CDH13: variants seen among roughly 807,000 people sequenced by gnomAD.
CDH13 encodes the protein cadherin-13.
Under a neutral mutation model 63.8 loss-of-function variants are expected in CDH13, and 24 were observed. The observed-to-expected ratio is 0.38, with a 90% CI of 0.27 to 0.53. The LOEUF is 0.53. CDH13 is among the 20% of genes least tolerant of loss of function. The pLI, the probability that CDH13 is intolerant of heterozygous loss-of-function variation, is 0.85. For synonymous variants in CDH13, 503 were observed against 355.3 expected (o/e 1.42, Z -4.67); for missense variants, 1,049 against 903.1 (o/e 1.16, Z -2.07).
intron 11 of CDH13, among the ~76,000 whole-genome samples, chr16:83,774,734 C>T (rs886493613): frequency 2.0e-5 from 3 of 152,094 alleles, no homozygotes; most frequent in Non-Finnish European, 4.4e-5. Context: ...CCAGAGTCGT[C>T]AGATTCATAG....
intron 1 of CDH13, among the ~76,000 whole-genome samples, chr16:82,790,147 T>G (rs1010700013): frequency 3.3e-5 from 5 of 152,258 alleles, no homozygotes; most frequent in African/African-American, 1.2e-4. Flanking sequence ...ACAAAATTTC[T>G]AATTATAGGC....
intron 6 of CDH13, among the ~76,000 whole-genome samples, chr16:83,395,794 C>CT (rs1374796936): frequency 2.0e-5 from 3 of 151,940 alleles, no homozygotes; most frequent in African/African-American, 4.8e-5. Flanking sequence ...CCTTTCCGTT[C>CT]TTTTTTTTAA....
At chr16:82,945,072 A>G (rs1597265264) in intron 2 of CDH13, among the ~76,000 whole-genome samples, 1 of 152,234 alleles carries the variant, frequency 6.6e-6, no homozygotes, top group South Asian at 2.1e-4. Context: ...AACAGTCATT[A>G]TACTTTTTGT....
chr16:83,410,201 C>T lies in CDH13; in HGVS notation c.781+65195C>T, dbSNP rs572987411. ...ATGCCAAGTTGTTAATGGAATTCAG[C>T]ATCTGTGTCTTTCATGGGTCTCTAA... On this transcript the variant is annotated intron_variant, in intron 6 of 13. Coordinates refer to ENST00000567109, the MANE Select transcript of CDH13 (RefSeq NM_001257.5). Among the ~76,000 whole-genome samples, 7 of 152,272 alleles carry T rather than the reference C, an allele frequency of 4.6e-5. 1 individual carries two copies. The South Asian group carries it at 1.5e-3, about 32-fold the overall frequency.
Position 83,216,397 on chromosome 16 carries a change from AATATAT to A in CDH13, c.484-906_484-901del, listed in dbSNP as rs1158270310. Reference sequence around the variant, plus strand: ...TAATGTCCTCTGCCTCCAGCATTGAAATATATATATATATATATATATATATATATA... The same window carrying A: ...TAATGTCCTCTGCCTCCAGCATTGAAATATATATATATATATATATATATA... On this transcript the variant is annotated intron_variant, in intron 4 of 13. Transcript: ENST00000567109. Among the ~76,000 whole-genome samples the A allele has an allele frequency of 9.9e-3, 159 of 16,104 alleles. 6 individuals carry two copies. The highest frequency in any genetic ancestry group is 0.015 in the Admixed American group (12 of 790). The allele number at this position is 16,104 out of a possible 152,430, so 10.6% of individuals were successfully genotyped here.
At position 83,293,428 on chromosome 16, in the gene CDH13, A is replaced by G. The variant is rs562994072; in HGVS notation, c.637-51434A>G. Among the ~76,000 whole-genome samples, 4 of 152,228 alleles carry G rather than the reference A, an allele frequency of 2.6e-5. No individual in the cohort carries two copies. In the South Asian group the frequency reaches 6.2e-4, roughly 24 times the overall value. ...TGCCACCGGAAGAAAATGGCACTCA[A>G]ATTCCCAGCTGTCATCTGGGAAAGG... On this transcript the variant is annotated intron_variant, in intron 5 of 13. Transcript: ENST00000567109.
At chr16:83,362,685 A>G (rs920038262) in intron 6 of CDH13, among the ~76,000 whole-genome samples, 2 of 152,158 alleles carry the variant, frequency 1.3e-5, no homozygotes, top group African/African-American at 2.4e-5. Flanking sequence ...CTCAAATACC[A>G]TCTTCCTTCA....
At chr16:83,160,489 T>C (rs1340479322) in intron 4 of CDH13, among the ~76,000 whole-genome samples, 3 of 152,188 alleles carry the variant, frequency 2.0e-5, no homozygotes, top group Non-Finnish European at 4.4e-5. Context: ...CAATTCTGCA[T>C]TTTTGTGAAT....
At chr16:83,569,832 G>A (rs1936967368) in intron 7 of CDH13, among the ~76,000 whole-genome samples, 1 of 152,148 alleles carries the variant, frequency 6.6e-6, no homozygotes. Flanking sequence ...TGCCTCCCGG[G>A]TTCAAGTGAT....
At chr16:83,515,331 A>C (rs548306763) in intron 7 of CDH13, among the ~76,000 whole-genome samples, 1 of 152,208 alleles carries the variant, frequency 6.6e-6, no homozygotes, top group South Asian at 2.1e-4. Flanking sequence ...TCTTTTAAGC[A>C]TTACACTTCT....
intron 3 of CDH13, among the ~76,000 whole-genome samples, chr16:83,063,325 G>C (rs1490596899): frequency 6.6e-6 from 1 of 152,100 alleles, no homozygotes; most frequent in Non-Finnish European, 1.5e-5. Flanking sequence ...GCTCTCTTGA[G>C]GCCCAGCCCC....
intron 2 of CDH13, among the ~76,000 whole-genome samples, chr16:82,902,578 C>T (rs1049276507): frequency 1.3e-5 from 2 of 152,054 alleles, no homozygotes; most frequent in African/African-American, 4.8e-5. Flanking sequence ...TGTTTAGCTT[C>T]TTAACCTCCC....
chr16:83,671,867 T>TG (rs1914527964), intron 9 of CDH13, among the ~76,000 whole-genome samples: 1 of 152,008 alleles, frequency 6.6e-6, no homozygotes, highest in African/African-American at 2.4e-5. Flanking sequence ...TTAGTGGGGG[T>TG]GGTAGCACAG....
intron 1 of CDH13, among the ~76,000 whole-genome samples, chr16:82,741,601 T>A (rs1257272088): frequency 6.6e-6 from 1 of 152,192 alleles, no homozygotes; most frequent in African/African-American, 2.4e-5. Context: ...TGTAACATGG[T>A]AGGCTTCAAA....
intron 7 of CDH13, among the ~76,000 whole-genome samples, chr16:83,513,074 C>T (rs941775427): frequency 6.6e-6 from 1 of 151,426 alleles, no homozygotes; most frequent in African/African-American, 2.4e-5. Context: ...TCATTTTAAG[C>T]CCCAGAATTA....
chr16:83,198,662 A>G (rs1028531531), intron 4 of CDH13, among the ~76,000 whole-genome samples: 2 of 152,198 alleles, frequency 1.3e-5, no homozygotes, highest in African/African-American at 4.8e-5. Context: ...TGATGCACAC[A>G]TAATTTCAGG....
At chr16:83,013,317 T>C (rs1426136724) in intron 2 of CDH13, among the ~76,000 whole-genome samples, 1 of 152,192 alleles carries the variant, frequency 6.6e-6, no homozygotes, top group African/African-American at 2.4e-5. Context: ...TCCAGACTCC[T>C]GGTTTGGAGG....
intron 7 of CDH13, among the ~76,000 whole-genome samples, chr16:83,554,284 C>G (rs2075562749): frequency 1.3e-5 from 2 of 150,964 alleles, no homozygotes; most frequent in South Asian, 2.1e-4. Flanking sequence ...TCACAGGATC[C>G]CTGGAGACAG....
chr16:82,659,966 G>A (rs188719730), intron 1 of CDH13, among the ~76,000 whole-genome samples: 1 of 152,148 alleles, frequency 6.6e-6, no homozygotes, highest in Non-Finnish European at 1.5e-5. Context: ...TCCCCATTGA[G>A]AACCACTGCT....
Sources: gnomAD v4.1 joint callset for allele counts (sites outside exome capture counted in the v4.1 genomes callset) on GRCh38, gnomAD v4.1.1 for gene constraint, MANE v1.5 for transcripts, NCBI Gene and HGNC (gene_info 2026-07-23, HGNC 2026-07-21) for gene names.